PTPRD: variants seen among roughly 807,000 people sequenced by gnomAD.
PTPRD encodes the protein protein tyrosine phosphatase receptor type D.
PTPRD carries 34 observed loss-of-function variants against 214.5 expected under a neutral mutation model. The ratio of observed to expected loss-of-function variants is 0.16; its 90% CI spans 0.12 to 0.21. PTPRD has a LOEUF of 0.21. PTPRD is among the 10% of genes least tolerant of loss of function. PTPRD has a pLI of 1.00. For synonymous variants in PTPRD, 1,128 were observed against 845.7 expected (o/e 1.33, Z -5.79); for missense variants, 2,545 against 2,398.7 (o/e 1.06, Z -1.27).
In PTPRD at chr9:10,301,752, C is replaced by T. The variant is rs535398643; in HGVS notation, c.-545+39211G>A. 1.8e-4 allele frequency among the ~76,000 whole-genome samples: 28 copies of T among 152,096 alleles called. 1 individual carries two copies. In the South Asian group the frequency reaches 4.6e-3, roughly 25 times the overall value. ...AATGAAAAGAAATGAACAAAGACTC[C>T]AGGAAATATGGGACTATGTGAAAAG... On this transcript the variant is annotated intron_variant, in intron 3 of 45. Transcript: ENST00000381196.
rs1427331413 is a variant in PTPRD at position 9,930,310 on chromosome 9, T to C, written c.-368+8197A>G. On this transcript the variant is annotated intron_variant, in intron 5 of 45. Coordinates refer to ENST00000381196, the MANE Select transcript of PTPRD (RefSeq NM_002839.4). ...ATGGACATAAGTGAGATCATTCAAATAGAACACACACAGAGAATAAAAAGG... is the reference window on the plus strand; with the variant it reads ...ATGGACATAAGTGAGATCATTCAAACAGAACACACACAGAGAATAAAAAGG... 3.3e-5 allele frequency among the ~76,000 whole-genome samples: 5 copies of C among 152,190 alleles called. No individual in the cohort carries two copies. The East Asian group carries it at 5.8e-4, about 18-fold the overall frequency.
chr9:10,446,970 T>C (rs1337663375), intron 2 of PTPRD, among the ~76,000 whole-genome samples: 14 of 152,160 alleles, frequency 9.2e-5, no homozygotes, highest in Admixed American at 8.5e-4. Flanking sequence ...AAAGGGTATT[T>C]AGTGAGACGA....
intron 35 of PTPRD, among the ~76,000 whole-genome samples, chr9:8,426,302 C>T (rs2094669427): frequency 6.6e-6 from 1 of 152,180 alleles, no homozygotes; most frequent in African/African-American, 2.4e-5. Flanking sequence ...AGCGTAGCTA[C>T]TAATTGGCCC....
At chr9:10,511,409 T>G (rs898578210) in intron 2 of PTPRD, among the ~76,000 whole-genome samples, 20 of 151,882 alleles carry the variant, frequency 1.3e-4, no homozygotes, top group African/African-American at 3.9e-4. Context: ...TTCTCTTTAT[T>G]TATGTATTTA....
At chr9:10,134,614 T>C (rs1055278404) in intron 3 of PTPRD, among the ~76,000 whole-genome samples, 2 of 152,078 alleles carry the variant, frequency 1.3e-5, no homozygotes. Flanking sequence ...CCCGTACAGA[T>C]ACTTTGCCCT....
intron 10 of PTPRD, among the ~76,000 whole-genome samples, chr9:9,124,012 G>T (rs188674200): frequency 1.3e-5 from 2 of 152,074 alleles, no homozygotes; most frequent in African/African-American, 4.8e-5. Context: ...AAGGTGGGGT[G>T]GGGGAGGGAG....
At chr9:10,123,488 T>C (rs1397373571) in intron 3 of PTPRD, among the ~76,000 whole-genome samples, 1 of 152,204 alleles carries the variant, frequency 6.6e-6, no homozygotes, top group Non-Finnish European at 1.5e-5. Flanking sequence ...TCTTGGAAGT[T>C]GACCCTAGAT....
intron 7 of PTPRD, among the ~76,000 whole-genome samples, chr9:9,595,794 G>A (rs561688700): frequency 2.0e-5 from 3 of 151,918 alleles, no homozygotes; most frequent in African/African-American, 4.8e-5. Context: ...GACTCAGGGG[G>A]AAAGGGTGGG....
chr9:9,039,916 A>G (rs2099634052), intron 10 of PTPRD, among the ~76,000 whole-genome samples: 1 of 151,162 alleles, frequency 6.6e-6, no homozygotes, highest in African/African-American at 2.4e-5. Context: ...CCCCCAATGT[A>G]TTGTCACCTG....
At chr9:8,862,184 C>A (rs565297424) in intron 11 of PTPRD, 1 of 152,080 alleles carries the variant, frequency 6.6e-6, no homozygotes, top group Non-Finnish European at 1.5e-5. Flanking sequence ...TGGTGAAACC[C>A]GTCTCTACTA....
At chr9:9,584,996 C>T (rs2091675251) in intron 7 of PTPRD, among the ~76,000 whole-genome samples, 2 of 152,150 alleles carry the variant, frequency 1.3e-5, no homozygotes, top group African/African-American at 4.8e-5. Flanking sequence ...TTAAAGTCAT[C>T]ATCACCCTGG....
At chr9:10,567,927 ATTT>A (rs1006371104) in intron 2 of PTPRD, among the ~76,000 whole-genome samples, 2 of 150,278 alleles carry the variant, frequency 1.3e-5, no homozygotes, top group Admixed American at 6.6e-5. Flanking sequence ...TTTATTTTTT[ATTT>A]TTTTATTTTT....
At chr9:10,203,725 T>C (rs749348353) in intron 3 of PTPRD, among the ~76,000 whole-genome samples, 43 of 152,098 alleles carry the variant, frequency 2.8e-4, no homozygotes, top group Non-Finnish European at 5.1e-4. Flanking sequence ...ATACCTAAAA[T>C]GGAAAAAAAT....
At chr9:10,291,781 T>C (rs10809061) in intron 3 of PTPRD, among the ~76,000 whole-genome samples, 29,853 of 151,962 alleles carry the variant, frequency 0.2, 3,059 homozygotes, top group South Asian at 0.3. Flanking sequence ...TGTTTTAAGG[T>C]ATTAGGTTTG....
chr9:8,970,105 T>C (rs887890439), intron 11 of PTPRD, among the ~76,000 whole-genome samples: 1 of 151,944 alleles, frequency 6.6e-6, no homozygotes, highest in Non-Finnish European at 1.5e-5. Flanking sequence ...AGTTGCCATG[T>C]GTTCAGTTTA....
chr9:9,588,446 G>C (rs73641324), intron 7 of PTPRD, among the ~76,000 whole-genome samples: 1,556 of 151,964 alleles, frequency 0.01, 24 homozygotes, highest in African/African-American at 0.036. Flanking sequence ...CTTAGGCAAG[G>C]GGGTAATGAA....
intron 5 of PTPRD, among the ~76,000 whole-genome samples, chr9:9,843,870 T>C (rs2058882116): frequency 6.6e-6 from 1 of 152,040 alleles, no homozygotes; most frequent in Non-Finnish European, 1.5e-5. Flanking sequence ...AGCTAGGATT[T>C]TAGCCAGTTA....
intron 3 of PTPRD, among the ~76,000 whole-genome samples, chr9:10,149,490 G>T (rs954022111): frequency 6.6e-6 from 1 of 152,184 alleles, no homozygotes; most frequent in Admixed American, 6.5e-5. Flanking sequence ...AATAGCAGAT[G>T]GTACATTTAG....
At chr9:9,231,995 T>A (rs1455230545) in intron 9 of PTPRD, among the ~76,000 whole-genome samples, 1 of 152,174 alleles carries the variant, frequency 6.6e-6, no homozygotes, top group Non-Finnish European at 1.5e-5. Context: ...GCATCTCCAC[T>A]TTTTGTAATT....
Sources: gnomAD v4.1 joint callset for allele counts (sites outside exome capture counted in the v4.1 genomes callset) on GRCh38, gnomAD v4.1.1 for gene constraint, MANE v1.5 for transcripts, NCBI Gene and HGNC (gene_info 2026-07-23, HGNC 2026-07-21) for gene names.